MEGF10: variants seen among roughly 807,000 people sequenced by gnomAD.
MEGF10 encodes multiple EGF like domains 10.
MEGF10 carries 86 observed loss-of-function variants against 147.5 expected under a neutral mutation model. The ratio of observed to expected loss-of-function variants is 0.58; its 90% confidence interval spans 0.49 to 0.70. MEGF10 has a LOEUF of 0.70. MEGF10 is among the 30% of genes least tolerant of loss of function. The pLI, the probability that MEGF10 is intolerant of heterozygous loss-of-function variation, is 0.00. For synonymous variants in MEGF10, 478 were observed against 525.5 expected, an observed-to-expected ratio of 0.91 and a Z score of 1.24; for missense variants, 1,329 against 1,487.3, an observed-to-expected ratio of 0.89 and a Z score of 1.75.
At chr5:127,310,852 G>A (rs945748864) in intron 1 of MEGF10, among the ~76,000 whole-genome samples, 6 of 152,146 alleles carry the variant, frequency 3.9e-5, no homozygotes, top group African/African-American at 7.2e-5. Context: ...AGACTTGCAA[G>A]GAGTCTGTGA....
At chr5:127,297,187 G>A (rs905592030) in intron 1 of MEGF10, among the ~76,000 whole-genome samples, 3 of 152,044 alleles carry the variant, frequency 2.0e-5, no homozygotes, top group African/African-American at 4.8e-5. Context: ...GGCTGGTCTC[G>A]AACTCCTGAC....
At chr5:127,332,573 T>G (rs1056693395) in intron 2 of MEGF10, among the ~76,000 whole-genome samples, 6 of 152,144 alleles carry the variant, frequency 3.9e-5, no homozygotes, top group Admixed American at 3.9e-4. Context: ...ACAAGCAGGG[T>G]AATTAAAACA....
chr5:127,454,587 G>A lies in MEGF10; in HGVS notation c.3002G>A (p.Ser1001Asn), dbSNP rs1323421779. Residue 1001 changes from serine to asparagine, a missense_variant, in exon 23 of 25, where the codon AGC becomes AAC. Ser to Asn is a conservative substitution (Grantham distance 46). Transcript: ENST00000503335. ...NELGAFGLDR[S>N]YMGKSLKDLG... is the part of the protein sequence containing the mutation. ...ACAGGTGCTTTTGGACTTGACAGAAGCTATATGGGAAAATCCTTAAAAGGT... is the reference window on the plus strand; with the variant it reads ...ACAGGTGCTTTTGGACTTGACAGAAACTATATGGGAAAATCCTTAAAAGGT... 1 of 1,608,492 alleles carries A rather than the reference G, an allele frequency of 6.2e-7. No homozygotes were observed. Among genetic ancestry groups the A allele is most frequent in the Non-Finnish European group, 8.5e-7 (1 of 1,178,056 alleles).
At chr5:127,392,148 G>A (rs535634302) in intron 5 of MEGF10, among the ~76,000 whole-genome samples, 1 of 152,336 alleles carries the variant, frequency 6.6e-6, no homozygotes, top group African/African-American at 2.4e-5. Context: ...GAAGGCTGGG[G>A]AGTACTGAGG....
upstream of MEGF10, among the ~76,000 whole-genome samples, chr5:127,290,617 C>T (rs1759201860): frequency 6.6e-6 from 1 of 152,212 alleles, no homozygotes; most frequent in Non-Finnish European, 1.5e-5. Context: ...GACTCACGAT[C>T]GAGGTGCAGC....
At chr5:127,238,693 A>G in the MEGF10 span, among the ~76,000 whole-genome samples, 1 of 152,054 alleles carries the variant, frequency 6.6e-6, no homozygotes, top group Admixed American at 6.6e-5. Context: ...AAACTTACTA[A>G]TATCTTCTAA....
intron 9 of MEGF10, among the ~76,000 whole-genome samples, chr5:127,416,333 G>A (rs1007930958): frequency 4.6e-5 from 7 of 152,102 alleles, no homozygotes; most frequent in African/African-American, 1.7e-4. Context: ...TGGCCCAAGG[G>A]CTCAGTTTTT....
rs1335056701 is a variant in MEGF10 at position 127,422,784 on chromosome 5, G to C, written c.1693+12G>C. 6.2e-7 allele frequency: 1 copy of C among 1,608,790 alleles called. No individual in the cohort carries two copies. Among genetic ancestry groups the C allele is most frequent in the South Asian group, 1.1e-5 (1 of 90,752 alleles). ...CCCCGGATGGTCAGGTGAGAGCCAA[G>C]GACCGCTAATTGAAAGGTGAAACCC... On this transcript the variant is annotated intron_variant, in intron 13 of 24. Transcript: ENST00000503335.
At chr5:127,268,557 G>T in the MEGF10 span, among the ~76,000 whole-genome samples, 4 of 152,274 alleles carry the variant, frequency 2.6e-5, no homozygotes, top group African/African-American at 9.6e-5. Context: ...GCCCACCGTT[G>T]GTGAGGCTGG....
chr5:127,250,126 G>C, the MEGF10 span, among the ~76,000 whole-genome samples: 1 of 152,022 alleles, frequency 6.6e-6, no homozygotes, highest in East Asian at 1.9e-4. Context: ...CATACAAATA[G>C]TAACCATGAA....
At chr5:127,390,074 C>T (rs1444879224) in intron 5 of MEGF10, among the ~76,000 whole-genome samples, 1 of 152,122 alleles carries the variant, frequency 6.6e-6, no homozygotes, top group African/African-American at 2.4e-5. Context: ...CTGGTTAAAC[C>T]AAATGAATAA....
At chr5:127,407,641 A>G (rs550722137) in intron 8 of MEGF10, among the ~76,000 whole-genome samples, 1 of 152,302 alleles carries the variant, frequency 6.6e-6, no homozygotes, top group African/African-American at 2.4e-5. Context: ...AAGAAAATGC[A>G]TTTCCTATTT....
intron 20 of MEGF10, among the ~76,000 whole-genome samples, chr5:127,446,347 T>C (rs777065748): frequency 1.3e-5 from 2 of 152,212 alleles, no homozygotes; most frequent in Non-Finnish European, 2.9e-5. Context: ...TTGAAGGCCT[T>C]CTGGTTGGTT....
chr5:127,313,482 G>A (rs1034193925), intron 1 of MEGF10, among the ~76,000 whole-genome samples: 2 of 152,152 alleles, frequency 1.3e-5, no homozygotes, highest in Admixed American at 6.5e-5. Flanking sequence ...CTACTCATCC[G>A]ATTAGCCTAA....
intron 1 of MEGF10, among the ~76,000 whole-genome samples, chr5:127,319,633 C>T (rs967869052): frequency 2.0e-5 from 3 of 152,164 alleles, no homozygotes; most frequent in African/African-American, 7.2e-5. Context: ...CTAATCTGCT[C>T]CTTTGATGCA....
At chr5:127,455,311 C>A in intron 23 of MEGF10, 90 bp from the exon 24 acceptor site, 1 of 1,073,338 alleles carries the variant, frequency 9.3e-7, no homozygotes, top group Non-Finnish European at 1.4e-6. Flanking sequence ...TTATGGAAAC[C>A]TAGCTATAAA....
the MEGF10 span, among the ~76,000 whole-genome samples, chr5:127,235,182 A>G: frequency 6.6e-6 from 1 of 152,180 alleles, no homozygotes; most frequent in Non-Finnish European, 1.5e-5. Flanking sequence ...GTTATTGCTT[A>G]TAACTGCATT....
Position 127,364,795 on chromosome 5 carries a change from A to C in MEGF10, c.320-5115A>C, listed in dbSNP as rs899667378. On this transcript the variant is annotated intron_variant, in intron 4 of 24. Transcript: ENST00000503335. ...CTCCTGACTCCTGGCCATCTAGTACACCTGCCATGGTATCTGACCCAGAAC... is the reference window on the plus strand; with the variant it reads ...CTCCTGACTCCTGGCCATCTAGTACCCCTGCCATGGTATCTGACCCAGAAC... Among the ~76,000 whole-genome samples the C allele has an allele frequency of 1.3e-4, 20 of 152,104 alleles. No homozygotes were observed. The East Asian group carries it at 3.9e-3, about 29-fold the overall frequency.
chr5:127,446,259 A>G (rs1264755417), intron 20 of MEGF10, among the ~76,000 whole-genome samples: 2 of 152,220 alleles, frequency 1.3e-5, no homozygotes. Flanking sequence ...ATAAAATTAT[A>G]ATCAATCATC....
Sources: gnomAD v4.1 joint callset for allele counts (sites outside exome capture counted in the v4.1 genomes callset) on GRCh38, gnomAD v4.1.1 for gene constraint, MANE v1.5 for transcripts, NCBI Gene and HGNC (gene_info 2026-07-23, HGNC 2026-07-21) for gene names.